Variants in TTLL13 observed in about 807,000 individuals in gnomAD.
The protein encoded by TTLL13 is tubulin polyglutamylase TTLL13.
the TTLL13 span, chr15:90,253,250 G>A: frequency 1.4e-5 from 23 of 1,613,476 alleles, no homozygotes; most frequent in South Asian, 2.5e-4. Context: ...TCTCTGCAGT[G>A]CGTCGGGCAG....
chr15:90,258,450 T>G, the TTLL13 span: 1 of 649,912 alleles, frequency 1.5e-6, no homozygotes, highest in African/African-American at 1.8e-5. Flanking sequence ...GAGTCAAATC[T>G]TGGTGGTTTT....
the TTLL13 span, chr15:90,263,291 G>C: frequency 1.8e-5 from 13 of 704,590 alleles, no homozygotes; most frequent in Admixed American, 3.3e-4. Context: ...TGGACCTTGG[G>C]AGAGGGTCTG....
At chr15:90,252,894 T>A in the TTLL13 span, among the ~76,000 whole-genome samples, 3 of 151,888 alleles carry the variant, frequency 2.0e-5, no homozygotes, top group African/African-American at 7.3e-5. Context: ...TCCCAGCTAT[T>A]GGGGACGCTG....
At chr15:90,263,755 G>T in the TTLL13 span, 1 of 692,166 alleles carries the variant, frequency 1.4e-6, no homozygotes, top group East Asian at 2.7e-5. Flanking sequence ...ATTTTGCTAG[G>T]ACAGGCTGGG....
chr15:90,262,587 C>T, the TTLL13 span: 6 of 1,534,712 alleles, frequency 3.9e-6, no homozygotes, highest in Middle Eastern at 5.0e-4. Flanking sequence ...GGTGAATCAG[C>T]TGGGGAGAAA....
chr15:90,253,642 G>C, the TTLL13 span, among the ~76,000 whole-genome samples: 16 of 152,288 alleles, frequency 1.1e-4, no homozygotes, highest in Admixed American at 1.0e-3. Context: ...GCCCTCTCCA[G>C]GGTGGGTGAG....
At chr15:90,264,943 C>T in the TTLL13 span, 1 of 1,536,046 alleles carries the variant, frequency 6.5e-7, no homozygotes, top group South Asian at 1.2e-5. Context: ...CCAGAGCACT[C>T]CTCAACATCA....
At chr15:90,263,465 T>C in the TTLL13 span, 1 of 483,392 alleles carries the variant, frequency 2.1e-6, no homozygotes, top group Non-Finnish European at 3.6e-6. Context: ...CCACCCTCAG[T>C]GGCTTCTGTA....
the TTLL13 span, among the ~76,000 whole-genome samples, chr15:90,261,294 G>C: frequency 6.0e-5 from 9 of 150,672 alleles, no homozygotes; most frequent in African/African-American, 2.2e-4. Context: ...GGCCAGGCTG[G>C]TCTCGAATTC....
chr15:90,253,207 C>A, the TTLL13 span: 2 of 1,540,516 alleles, frequency 1.3e-6, no homozygotes, highest in Non-Finnish European at 1.8e-6. Context: ...GGGCTTGTTG[C>A]TGGTGTCCAT....
the TTLL13 span, among the ~76,000 whole-genome samples, chr15:90,256,653 C>A: frequency 2.0e-5 from 3 of 146,498 alleles, 1 homozygote; most frequent in Non-Finnish European, 4.5e-5. Flanking sequence ...TTCTTTCTCC[C>A]TTTCCTTCCC....
At chr15:90,255,900 C>T in the TTLL13 span, 19 of 1,614,014 alleles carry the variant, frequency 1.2e-5, no homozygotes, top group African/African-American at 2.1e-4. Context: ...GTGGGTCTGG[C>T]TTCCCATGCT....
At chr15:90,265,349 C>G in the TTLL13 span, 2 of 1,225,124 alleles carry the variant, frequency 1.6e-6, no homozygotes, top group Non-Finnish European at 1.0e-6. Context: ...CTGTCGCCGT[C>G]AGAAGACTGC....
At chr15:90,262,420 T>A in the TTLL13 span, 1 of 1,395,614 alleles carries the variant, frequency 7.2e-7, no homozygotes, top group Non-Finnish European at 9.4e-7. Flanking sequence ...TCTTTCCTCA[T>A]CCCCATTTTT....
the TTLL13 span, chr15:90,257,055 C>A: frequency 7.8e-7 from 1 of 1,280,070 alleles, no homozygotes; most frequent in East Asian, 2.4e-5. Context: ...ATTCAATTAG[C>A]TATGTGTGTG....
At chr15:90,255,366 T>G in the TTLL13 span, among the ~76,000 whole-genome samples, 2 of 152,310 alleles carry the variant, frequency 1.3e-5, no homozygotes, top group South Asian at 4.1e-4. Context: ...TCCTTTTATC[T>G]TTTGTGTCTT....
At chr15:90,263,883 G>A in the TTLL13 span, 1 of 1,107,452 alleles carries the variant, frequency 9.0e-7, no homozygotes, top group Non-Finnish European at 1.3e-6. Flanking sequence ...CAATCCCCAG[G>A]ATCTTAGGGG....
chr15:90,259,143 G>A, the TTLL13 span: 2 of 1,119,416 alleles, frequency 1.8e-6, no homozygotes, highest in African/African-American at 1.6e-5. Flanking sequence ...CAGGAGGATT[G>A]CTTGAGCCCT....
At chr15:90,250,628 A>C in the TTLL13 span, 1 of 1,611,344 alleles carries the variant, frequency 6.2e-7, no homozygotes, top group Admixed American at 1.7e-5. Context: ...AGAATCTGAG[A>C]GAATGGAGCC....
Sources: gnomAD v4.1 joint callset for allele counts (sites outside exome capture counted in the v4.1 genomes callset) on GRCh38, gnomAD v4.1.1 for gene constraint, MANE v1.5 for transcripts, NCBI Gene and HGNC (gene_info 2026-07-23, HGNC 2026-07-21) for gene names.